HS6ST2: variants seen among roughly 807,000 people sequenced by gnomAD.
HS6ST2 encodes the protein heparan-sulfate 6-O-sulfotransferase 2.
HS6ST2 carries 17 observed loss-of-function variants against 33.0 expected under a neutral mutation model. The observed-to-expected ratio is 0.52, with a 90% CI of 0.35 to 0.77. The LOEUF (loss-of-function observed/expected upper bound fraction) is 0.77, where lower values mean the gene tolerates loss of function less well. Ranked by LOEUF, HS6ST2 falls within the 30% of genes least tolerant of loss-of-function variation. The pLI is 0.01. For missense variants in HS6ST2, 519 were observed against 551.7 expected (o/e 0.94, Z 0.59); for synonymous variants, 248 against 237.1 (o/e 1.05, Z -0.42).
intron 2 of HS6ST2, among the ~76,000 whole-genome samples, chrX:132,857,993 T>C (rs2148414326): frequency 8.9e-6 from 1 of 112,302 alleles, no homozygotes; most frequent in African/African-American, 3.2e-5. Context: ...ACTCCCTAAA[T>C]TGACATGGCC....
intron 2 of HS6ST2, among the ~76,000 whole-genome samples, chrX:132,794,570 TG>T (rs2065155321): frequency 1.0e-5 from 1 of 100,434 alleles, no homozygotes; most frequent in African/African-American, 3.9e-5. Context: ...ATGATGATGA[TG>T]ATGATTATTA....
intron 2 of HS6ST2, among the ~76,000 whole-genome samples, chrX:132,799,619 C>T (rs1406679197): frequency 9.0e-6 from 1 of 110,942 alleles, no homozygotes; most frequent in Admixed American, 9.7e-5. Context: ...TGGGATCAAG[C>T]AATCCACCCA....
At chrX:132,637,483 A>T (rs1405265180) in intron 4 of HS6ST2, among the ~76,000 whole-genome samples, 2 of 108,761 alleles carry the variant, frequency 1.8e-5, no homozygotes, top group Non-Finnish European at 3.8e-5. Flanking sequence ...AGTTCTGAGG[A>T]TCATGCTGTA....
At chrX:132,906,706 T>A (rs1158750817) in intron 2 of HS6ST2, among the ~76,000 whole-genome samples, 1 of 111,032 alleles carries the variant, frequency 9.0e-6, no homozygotes, top group African/African-American at 3.3e-5. Context: ...TTTTTTGAGA[T>A]GGAGTCTCAC....
chrX:132,725,260 AACT>A (rs2064380637), intron 2 of HS6ST2, among the ~76,000 whole-genome samples: 1 of 111,648 alleles, frequency 9.0e-6, no homozygotes, highest in Middle Eastern at 4.2e-3. Flanking sequence ...AATATTTTTA[AACT>A]ACTGACATTA....
rs1174711092 is a variant in HS6ST2 at position 132,751,677 on chromosome X, C to T, written c.948-43183G>A. ...CCCTAGGGAATACCACCTTGGAAAACCATCATTTTTCACACTGTCACTTCC... is the reference window on the plus strand; with the variant it reads ...CCCTAGGGAATACCACCTTGGAAAATCATCATTTTTCACACTGTCACTTCC... On this transcript the variant is annotated intron_variant, in intron 2 of 4. Coordinates refer to ENST00000370833, the MANE Select transcript of HS6ST2 (RefSeq NM_001394073.1). 5.3e-5 allele frequency among the ~76,000 whole-genome samples: 6 copies of T among 112,949 alleles called. No homozygotes were observed. In the Admixed American group the frequency reaches 5.6e-4, roughly 11 times the overall value.
chrX:132,867,617 T>G (rs145416255), intron 2 of HS6ST2, among the ~76,000 whole-genome samples: 1,526 of 110,623 alleles, frequency 0.014, 34 homozygotes, highest in African/African-American at 0.046. Flanking sequence ...TCCTGAACTG[T>G]TTTTGGTTGG....
At chrX:132,702,346 A>G (rs1453416611) in intron 3 of HS6ST2, among the ~76,000 whole-genome samples, 2 of 112,592 alleles carry the variant, frequency 1.8e-5, no homozygotes, top group Non-Finnish European at 3.8e-5. Context: ...ACAAAAATGC[A>G]CTGAGTAATC....
At chrX:132,725,848 C>T (rs1016975253) in intron 2 of HS6ST2, among the ~76,000 whole-genome samples, 2 of 111,338 alleles carry the variant, frequency 1.8e-5, no homozygotes, top group Non-Finnish European at 3.8e-5. Flanking sequence ...AGAATGAGAC[C>T]GTGTCATTGC....
chrX:132,958,723 C>T (rs780192726), upstream of HS6ST2: 204 of 690,065 alleles, frequency 3.0e-4, 4 homozygotes, highest in South Asian at 5.8e-3. Context: ...TTTCTCTTTT[C>T]TTGGAGTACG....
chrX:132,639,856 A>G (rs2063588976), intron 4 of HS6ST2, among the ~76,000 whole-genome samples: 1 of 112,163 alleles, frequency 8.9e-6, no homozygotes, highest in African/African-American at 3.2e-5. Flanking sequence ...TCAGATAAAC[A>G]TCCCTAGTGC....
At chrX:132,653,899 T>G (rs959309045) in intron 4 of HS6ST2, among the ~76,000 whole-genome samples, 9 of 111,277 alleles carry the variant, frequency 8.1e-5, no homozygotes, top group African/African-American at 2.9e-4. Context: ...TCAAGGAAGA[T>G]AGTTCTAACA....
At position 132,651,564 on chromosome X, in the gene HS6ST2, A is replaced by C. The variant is rs778029497; in HGVS notation, c.1067+17549T>G. Among the ~76,000 whole-genome samples, 4 of 112,414 alleles carry C rather than the reference A, an allele frequency of 3.6e-5. No individual in the cohort carries two copies. In the South Asian group the frequency reaches 1.5e-3, roughly 42 times the overall value. The stretch of plus-strand genomic sequence containing the variant: ...TTTGTGGAAGTAGGCAGGATCTAAA[A>C]AAATATGTGGGGCAAAAACAGCCTT... On this transcript the variant is annotated intron_variant, in intron 4 of 4. Transcript: ENST00000370833.
intron 2 of HS6ST2, among the ~76,000 whole-genome samples, chrX:132,822,237 A>G (rs1320613303): frequency 9.0e-6 from 1 of 111,599 alleles, no homozygotes; most frequent in Non-Finnish European, 1.9e-5. Context: ...ATAAAAACTC[A>G]GAAGAGCTGG....
At chrX:132,847,222 G>A (rs960223914) in intron 2 of HS6ST2, among the ~76,000 whole-genome samples, 29 of 111,570 alleles carry the variant, frequency 2.6e-4, no homozygotes, top group African/African-American at 9.1e-4. Context: ...GGACACAAGT[G>A]GCTTGAAGCA....
At chrX:132,755,877 G>C (rs1297405159) in intron 2 of HS6ST2, among the ~76,000 whole-genome samples, 1 of 111,337 alleles carries the variant, frequency 9.0e-6, no homozygotes, top group African/African-American at 3.3e-5. Flanking sequence ...CTGATTTTTT[G>C]GTACCCCCTT....
chrX:132,958,281 C>A lies in HS6ST2; in HGVS notation c.322G>T (p.Gly108Cys). The change falls in exon 1 of 5, where the codon GGC becomes TGC. Residue 108 changes from glycine to cysteine, a missense_variant. Physicochemically the swap from Gly to Cys is radical, Grantham distance 159. Transcript: ENST00000370833. ...GTGAGCAGGGCCCGGCAGAGGGAGC[C>A]CAGGTCCCAGCGTCGCCTGAGGACG... Reference protein sequence around the residue: ...MHVLRRRWDLGSLCRALLTRG... With the variant: ...MHVLRRRWDLCSLCRALLTRG... 1 of 1,191,888 alleles carries A rather than the reference C, an allele frequency of 8.4e-7. No individual in the cohort carries two copies. Among genetic ancestry groups the A allele is most frequent in the South Asian group, 1.8e-5 (1 of 55,694 alleles).
intron 2 of HS6ST2, among the ~76,000 whole-genome samples, chrX:132,759,985 C>T (rs1267064448): frequency 9.0e-6 from 1 of 111,648 alleles, no homozygotes; most frequent in East Asian, 2.8e-4. Context: ...GGTCACATGG[C>T]TAATAAGTAA....
intron 2 of HS6ST2, among the ~76,000 whole-genome samples, chrX:132,867,449 G>A (rs771180478): frequency 7.2e-4 from 80 of 110,558 alleles, no homozygotes; most frequent in Admixed American, 2.2e-3. Context: ...CTCTTTTTTC[G>A]TTGTGTCTTT....
Sources: gnomAD v4.1 joint callset for allele counts (sites outside exome capture counted in the v4.1 genomes callset) on GRCh38, gnomAD v4.1.1 for gene constraint, MANE v1.5 for transcripts, NCBI Gene and HGNC (gene_info 2026-07-23, HGNC 2026-07-21) for gene names.